Variants in N4BP2 observed in about 807,000 individuals in gnomAD.
N4BP2 encodes NEDD4-binding protein 2.
N4BP2 carries 91 observed loss-of-function variants against 152.8 expected under a neutral mutation model. That is an observed-to-expected ratio of 0.60 (90% CI 0.50 to 0.71). The LOEUF is 0.71. Ranked by LOEUF, N4BP2 falls within the 30% of genes least tolerant of loss-of-function variation. The pLI is 0.00. For synonymous variants in N4BP2, 646 were observed against 705.3 expected, an observed-to-expected ratio of 0.92 and a Z score of 1.33; for missense variants, 1,923 against 2,059.1, an observed-to-expected ratio of 0.93 and a Z score of 1.28.
At chr4:40,125,422 G>T (rs553311094) in intron 11 of N4BP2, among the ~76,000 whole-genome samples, 1 of 152,124 alleles carries the variant, frequency 6.6e-6, no homozygotes, top group Non-Finnish European at 1.5e-5. Flanking sequence ...CAAAGTAATC[G>T]ATCTTCTTGG....
chr4:40,065,031 G>A (rs560320563), intron 1 of N4BP2, among the ~76,000 whole-genome samples: 41 of 152,152 alleles, frequency 2.7e-4, no homozygotes, highest in Non-Finnish European at 5.1e-4. Context: ...GCCTCCCAAA[G>A]TGTTGGGATT....
rs1222577554 is a variant in N4BP2 at position 40,156,166 on chromosome 4, G to A, written c.*1929G>A. ...GTATGAAAAACAGTGCTAAAATGTGGAGTTAATTGGAATGTGTGCAGCTGC... is the reference window on the plus strand; with the variant it reads ...GTATGAAAAACAGTGCTAAAATGTGAAGTTAATTGGAATGTGTGCAGCTGC... On this transcript the variant is annotated 3_prime_UTR_variant, in exon 18 of 18. Coordinates refer to ENST00000261435, the MANE Select transcript of N4BP2 (RefSeq NM_018177.6). The A allele has an allele frequency of 6.6e-6, 1 of 152,096 alleles. No homozygotes were observed. Among genetic ancestry groups the A allele is most frequent in the African/African-American group, 2.4e-5 (1 of 41,424 alleles). 9.4% of individuals were successfully genotyped at this position (152,096 alleles called of 1,614,324 possible).
In N4BP2 at chr4:40,126,198, C is replaced by CA; in HGVS notation, c.4401dup (p.Leu1468IlefsTer9). The CA allele has an allele frequency of 6.2e-7, 1 of 1,608,294 alleles. No individual in the cohort carries two copies. Among genetic ancestry groups the CA allele is most frequent in the Non-Finnish European group, 8.5e-7 (1 of 1,178,010 alleles). The stretch of plus-strand genomic sequence containing the variant: ...AACAAAAATCATCTCAGAGAACAGG[C>CA]AAAAAATTACTGAAGACTTTAACAG... On this transcript the variant is annotated frameshift_variant, in exon 12 of 18. Coordinates refer to ENST00000261435, the MANE Select transcript of N4BP2 (RefSeq NM_018177.6). LOFTEE classifies it high-confidence loss of function.
chr4:40,148,488 GA>G (rs1720833547), intron 16 of N4BP2, among the ~76,000 whole-genome samples: 2 of 150,190 alleles, frequency 1.3e-5, no homozygotes, highest in African/African-American at 4.9e-5. Flanking sequence ...GGGGGAGGGG[GA>G]GGGGGAGAGG....
At chr4:40,141,522 A>C (rs1407622447) in intron 14 of N4BP2, among the ~76,000 whole-genome samples, 2 of 147,588 alleles carry the variant, frequency 1.4e-5, no homozygotes, top group East Asian at 4.1e-4. Flanking sequence ...CACTTCCTAG[A>C]TGGGATGGCG....
At chr4:40,069,907 CCT>C (rs1711973678) in intron 1 of N4BP2, among the ~76,000 whole-genome samples, 1 of 151,970 alleles carries the variant, frequency 6.6e-6, no homozygotes, top group South Asian at 2.1e-4. Context: ...AGAGTGAGAC[CCT>C]GTCTCTTAAA....
intron 16 of N4BP2, among the ~76,000 whole-genome samples, chr4:40,152,516 T>C (rs980261948): frequency 3.3e-5 from 5 of 152,214 alleles, no homozygotes; most frequent in African/African-American, 1.2e-4. Context: ...CACAGAAATC[T>C]CTTCCCCCAT....
At chr4:40,070,975 C>G in intron 1 of N4BP2, among the ~76,000 whole-genome samples, 1 of 152,034 alleles carries the variant, frequency 6.6e-6, no homozygotes, top group Non-Finnish European at 1.5e-5. Flanking sequence ...CAGGTGTCCG[C>G]CACCATGCCT....
rs1458373206 is a variant in N4BP2, at chr4:40,156,657, T to C, written c.*2420T>C. 6.6e-6 allele frequency: 1 copy of C among 152,186 alleles called. No individual in the cohort carries two copies. Among genetic ancestry groups the C allele is most frequent in the Non-Finnish European group, 1.5e-5 (1 of 68,000 alleles). 9.4% of individuals were successfully genotyped at this position (152,186 alleles called of 1,614,324 possible). ...AAAAGTTTTCTCTATTACCCATTTCTAAATCCTGTATGTCAAAGATAGTTT... is the reference window on the plus strand; with the variant it reads ...AAAAGTTTTCTCTATTACCCATTTCCAAATCCTGTATGTCAAAGATAGTTT... On this transcript the variant is annotated 3_prime_UTR_variant, in exon 18 of 18. Coordinates refer to ENST00000261435, the MANE Select transcript of N4BP2 (RefSeq NM_018177.6).
chr4:40,061,450 C>T (rs183987007), intron 1 of N4BP2, among the ~76,000 whole-genome samples: 199 of 151,870 alleles, frequency 1.3e-3, no homozygotes, highest in African/African-American at 4.7e-3. Context: ...CTGCAACCTC[C>T]GCCTCCTGGG....
chr4:40,085,388 T>C (rs1302479408), intron 2 of N4BP2, among the ~76,000 whole-genome samples: 1 of 152,220 alleles, frequency 6.6e-6, no homozygotes, highest in East Asian at 1.9e-4. Context: ...TACTTTGATG[T>C]GGGTCTACAG....
Position 40,102,354 on chromosome 4 carries a change from T to G in N4BP2, c.509T>G (p.Val170Gly), listed in dbSNP as rs1715753897. Residue 170 changes from valine (V) to glycine (G), a missense_variant, in exon 4 of 18, where the codon GTT becomes GGT. Physicochemically the swap from Val to Gly is moderately radical, Grantham distance 109. Coordinates refer to ENST00000261435, the MANE Select transcript of N4BP2 (RefSeq NM_018177.6). ...TACTCATTTTTGCCTTCACAAGATGTTAATAGTTTTAATGACTCAAGTGAG... is the reference window on the plus strand; with the variant it reads ...TACTCATTTTTGCCTTCACAAGATGGTAATAGTTTTAATGACTCAAGTGAG... ...QVYSFLPSQD[V>G]NSFNDSSEFI... The G allele has an allele frequency of 6.2e-7, 1 of 1,613,154 alleles. No homozygotes were observed. The highest frequency in any genetic ancestry group is 8.5e-7 in the Non-Finnish European group (1 of 1,179,770).
chr4:40,099,534 G>A (rs1415222405), intron 3 of N4BP2, among the ~76,000 whole-genome samples: 2 of 152,146 alleles, frequency 1.3e-5, no homozygotes, highest in Non-Finnish European at 2.9e-5. Context: ...ACAGGCGTGA[G>A]CCACTGCACC....
Position 40,103,161 on chromosome 4 carries a change from G to C in N4BP2, c.1316G>C (p.Gly439Ala). The C allele has an allele frequency of 1.2e-6, 2 of 1,614,072 alleles. No individual in the cohort carries two copies. The highest frequency in any genetic ancestry group is 1.7e-6 in the Non-Finnish European group (2 of 1,180,006). The change falls in exon 4 of 18, where the codon GGA becomes GCA. Residue 439 changes from glycine to alanine, a missense_variant. Physicochemically the swap from Gly to Ala is moderately conservative, Grantham distance 60. Transcript: ENST00000261435. ...QVVRKKTSYV[G>A]LVLVLLRGLP... ...GTAAGAAAGAAGACATCTTACGTTG[G>C]ACTAGTTCTTGTTCTTCTCAGAGGT... is the stretch of plus-strand genomic sequence containing the variant.
At chr4:40,094,445 C>T (rs1212551183) in intron 2 of N4BP2, among the ~76,000 whole-genome samples, 1 of 152,146 alleles carries the variant, frequency 6.6e-6, no homozygotes, top group East Asian at 1.9e-4. Flanking sequence ...GTTGAAGTCT[C>T]CACCTATAAT....
At chr4:40,163,219 A>G (rs1241428930), downstream of N4BP2, among the ~76,000 whole-genome samples, 1 of 152,216 alleles carries the variant, frequency 6.6e-6, no homozygotes. Flanking sequence ...TTTACTATGA[A>G]CTAGGCACCA....
intron 2 of N4BP2, among the ~76,000 whole-genome samples, chr4:40,089,903 G>A (rs1359796069): frequency 2.6e-5 from 4 of 152,182 alleles, no homozygotes; most frequent in East Asian, 1.9e-4. Flanking sequence ...GGTCCATTGC[G>A]AGTTAATATT....
intron 1 of N4BP2, among the ~76,000 whole-genome samples, chr4:40,070,923 C>T (rs1472979118): frequency 6.6e-6 from 1 of 151,376 alleles, no homozygotes; most frequent in Non-Finnish European, 1.5e-5. Context: ...CTCCTGAGTT[C>T]ATGCAGTTCT....
intron 1 of N4BP2, among the ~76,000 whole-genome samples, chr4:40,071,292 A>G (rs1397490526): frequency 6.6e-6 from 1 of 150,972 alleles, no homozygotes; most frequent in Non-Finnish European, 1.5e-5. Flanking sequence ...TCTATCCCCT[A>G]TATTTATTTC....
Sources: gnomAD v4.1 joint callset for allele counts (sites outside exome capture counted in the v4.1 genomes callset) on GRCh38, gnomAD v4.1.1 for gene constraint, MANE v1.5 for transcripts, NCBI Gene and HGNC (gene_info 2026-07-23, HGNC 2026-07-21) for gene names.